SLIT3: variants seen among roughly 807,000 people sequenced by gnomAD.
SLIT3 encodes slit homolog 3 protein.
In SLIT3, 68 loss-of-function variants were observed where a neutral mutation model predicts 184.0. The observed-to-expected ratio is 0.37, with a 90% CI of 0.30 to 0.45. The LOEUF is 0.45. SLIT3 is among the 20% of genes least tolerant of loss of function. SLIT3 has a pLI of 1.00. For missense variants in SLIT3, 1,707 were observed against 2,026.0 expected (o/e 0.84, Z 3.02); for synonymous variants, 831 against 828.6 (o/e 1.00, Z -0.05).
intron 9 of SLIT3, among the ~76,000 whole-genome samples, chr5:168,805,661 C>T (rs1378441146): frequency 6.6e-6 from 1 of 152,154 alleles, no homozygotes; most frequent in Non-Finnish European, 1.5e-5. Context: ...TTTTGACATT[C>T]ATGTATACAC....
At chr5:168,805,119 A>T (rs1464320910) in intron 9 of SLIT3, among the ~76,000 whole-genome samples, 1 of 152,170 alleles carries the variant, frequency 6.6e-6, no homozygotes, top group Admixed American at 6.5e-5. Context: ...TATCCCCTCC[A>T]TCACTAGAAG....
intron 5 of SLIT3, among the ~76,000 whole-genome samples, chr5:168,854,860 G>A (rs993173537): frequency 1.3e-5 from 2 of 152,154 alleles, no homozygotes; most frequent in Non-Finnish European, 2.9e-5. Flanking sequence ...ATTAAAACAT[G>A]TCTTGCAAGC....
At chr5:168,999,598 C>T (rs888706071) in intron 4 of SLIT3, among the ~76,000 whole-genome samples, 1 of 152,194 alleles carries the variant, frequency 6.6e-6, no homozygotes, top group East Asian at 1.9e-4. Context: ...ATCTGGTCCC[C>T]ACTCACATTG....
chr5:169,014,002 G>A (rs890678344), intron 4 of SLIT3, among the ~76,000 whole-genome samples: 4 of 152,112 alleles, frequency 2.6e-5, no homozygotes, highest in Non-Finnish European at 5.9e-5. Context: ...GAGGGAGAAG[G>A]ATAAAAGTCA....
intron 4 of SLIT3, among the ~76,000 whole-genome samples, chr5:169,152,548 G>A (rs1261208310): frequency 6.6e-6 from 1 of 152,124 alleles, no homozygotes; most frequent in Non-Finnish European, 1.5e-5. Context: ...AGCATTTTGC[G>A]GGGTAATTTT....
At chr5:168,792,476 G>A (rs974528657) in intron 10 of SLIT3, 4 of 152,222 alleles carry the variant, frequency 2.6e-5, no homozygotes, top group African/African-American at 9.7e-5. Context: ...TCAGACCCAC[G>A]TTGGTCCTCT....
chr5:168,668,080 G>A (rs1761113922), intron 35 of SLIT3, among the ~76,000 whole-genome samples: 1 of 152,156 alleles, frequency 6.6e-6, no homozygotes. Flanking sequence ...GCACGGGGTG[G>A]ACTGCCTGGG....
In SLIT3 at chr5:169,065,301, T is replaced by C. The variant is rs10067873; in HGVS notation, c.413+128178A>G. Among the ~76,000 whole-genome samples the C allele has an allele frequency of 2.8e-3, 429 of 152,248 alleles. 5 individuals carry two copies. The highest frequency in any genetic ancestry group is 1.0e-2 in the African/African-American group (415 of 41,530). On this transcript the variant is annotated intron_variant, in intron 4 of 35. Transcript: ENST00000519560. ...TTGGTGGCAGCTACCGTCTAGTGTA[T>C]CACACAGCCTGCTAGAATAAAAAAA...
chr5:168,900,228 T>C (rs1326766109), intron 4 of SLIT3, among the ~76,000 whole-genome samples: 3 of 152,160 alleles, frequency 2.0e-5, no homozygotes, highest in Non-Finnish European at 4.4e-5. Context: ...AACAGTATGG[T>C]GATTTCTCAA....
chr5:168,691,397 A>C lies in SLIT3; in HGVS notation c.3176+1210T>G, dbSNP rs186455533. The stretch of plus-strand genomic sequence containing the variant: ...TGAAGTCCTAAGTCTTGTTGTTTAG[A>C]ATCATAGTCACAAATACCCCCAGAG... On this transcript the variant is annotated intron_variant, in intron 29 of 35. Coordinates refer to ENST00000519560, the MANE Select transcript of SLIT3 (RefSeq NM_003062.4). Among the ~76,000 whole-genome samples, 3 of 152,314 alleles carry C rather than the reference A, an allele frequency of 2.0e-5. No homozygotes were observed. The East Asian group carries it at 5.8e-4, about 29-fold the overall frequency.
intron 3 of SLIT3, among the ~76,000 whole-genome samples, chr5:169,227,152 T>C (rs114096230): frequency 0.045 from 6,774 of 152,186 alleles, 195 homozygotes; most frequent in East Asian, 0.094. Flanking sequence ...CTGGCATATA[T>C]AGGAATGGGA....
Position 169,070,924 on chromosome 5 carries a change from A to T in SLIT3, c.413+122555T>A, listed in dbSNP as rs146531960. Among the ~76,000 whole-genome samples, 3 of 152,318 alleles carry T rather than the reference A, an allele frequency of 2.0e-5. No homozygotes were observed. In the East Asian group the frequency reaches 5.8e-4, roughly 29 times the overall value. On this transcript the variant is annotated intron_variant, in intron 4 of 35. Coordinates refer to ENST00000519560, the MANE Select transcript of SLIT3 (RefSeq NM_003062.4). The stretch of plus-strand genomic sequence containing the variant: ...TGCTGAGCCACTTTAACCGTCATCA[A>T]CCTTTAACCTTAAAAGGAAGCATCC...
intron 7 of SLIT3, among the ~76,000 whole-genome samples, chr5:168,821,934 A>T (rs1757548244): frequency 6.6e-6 from 1 of 152,174 alleles, no homozygotes; most frequent in Admixed American, 6.5e-5. Context: ...TCTTTGTTTT[A>T]TCTTTGCCTG....
chr5:168,805,625 T>C (rs914371149), intron 9 of SLIT3, among the ~76,000 whole-genome samples: 1 of 152,236 alleles, frequency 6.6e-6, no homozygotes, highest in African/African-American at 2.4e-5. Flanking sequence ...GACCGAACTA[T>C]GTGGACAAAC....
intron 4 of SLIT3, among the ~76,000 whole-genome samples, chr5:169,007,610 A>G (rs1306729817): frequency 6.6e-6 from 1 of 152,220 alleles, no homozygotes; most frequent in Non-Finnish European, 1.5e-5. Context: ...GTTTGCCTAC[A>G]TACACTGCAG....
intron 4 of SLIT3, among the ~76,000 whole-genome samples, chr5:169,076,459 T>C (rs537889820): frequency 2.0e-5 from 3 of 152,360 alleles, no homozygotes; most frequent in Admixed American, 2.0e-4. Flanking sequence ...TTTCTTCCAC[T>C]ATCTTTGCCT....
At chr5:169,103,997 C>T (rs542665258) in intron 4 of SLIT3, among the ~76,000 whole-genome samples, 1 of 152,370 alleles carries the variant, frequency 6.6e-6, no homozygotes, top group African/African-American at 2.4e-5. Flanking sequence ...GGGCTGGCTA[C>T]AACTTGTCAG....
At chr5:169,191,889 A>G (rs1237725294) in intron 4 of SLIT3, among the ~76,000 whole-genome samples, 2 of 152,098 alleles carry the variant, frequency 1.3e-5, no homozygotes, top group African/African-American at 2.4e-5. Flanking sequence ...CCACCCACAT[A>G]AAGTCGTCCA....
chr5:169,003,060 G>T (rs1027146013), intron 4 of SLIT3, among the ~76,000 whole-genome samples: 1 of 152,102 alleles, frequency 6.6e-6, no homozygotes, highest in African/African-American at 2.4e-5. Flanking sequence ...AGCTTACTGG[G>T]GTCATAGATT....
Sources: allele counts gnomAD v4.1 joint callset (sites outside exome capture counted in the v4.1 genomes callset), GRCh38; gene constraint gnomAD v4.1.1; transcripts MANE v1.5; gene names NCBI Gene and HGNC (gene_info 2026-07-23, HGNC 2026-07-21).